Variants in PCCA observed in about 807,000 individuals in gnomAD.
PCCA encodes propionyl-CoA carboxylase subunit alpha.
Under a neutral mutation model 101.3 loss-of-function variants are expected in PCCA, and 74 were observed. The observed-to-expected ratio is 0.73, with a 90% CI of 0.61 to 0.89. The LOEUF (loss-of-function observed/expected upper bound fraction) is 0.89, where lower values mean the gene tolerates loss of function less well. PCCA is among the 40% of genes least tolerant of loss of function. PCCA has a pLI of 0.00. For missense variants in PCCA, 891 were observed against 907.0 expected (o/e 0.98, Z 0.23); for synonymous variants, 294 against 313.6 (o/e 0.94, Z 0.66).
At chr13:100,520,498 A>ATG (rs2087160442) in intron 22 of PCCA, among the ~76,000 whole-genome samples, 2 of 151,752 alleles carry the variant, frequency 1.3e-5, no homozygotes, top group East Asian at 1.9e-4. Flanking sequence ...AGCCGGGCGC[A>ATG]GTGGCGGGCG....
chr13:100,362,253 C>T lies in PCCA; in HGVS notation c.1644-6219C>T, dbSNP rs148774781. Among the ~76,000 whole-genome samples the T allele has an allele frequency of 5.9e-3, 900 of 151,862 alleles. 5 individuals are homozygous for T. The highest frequency in any genetic ancestry group is 0.02 in the African/African-American group (820 of 41,394). Reference sequence around the variant, plus strand: ...AAGGGTGAATGACAGAACTTAAGATCTTGGAATTTGACTGTATGTTAGTTG... The same window carrying T: ...AAGGGTGAATGACAGAACTTAAGATTTTGGAATTTGACTGTATGTTAGTTG... On this transcript the variant is annotated intron_variant, in intron 18 of 23. Coordinates refer to ENST00000376285, the MANE Select transcript of PCCA (RefSeq NM_000282.4).
intron 7 of PCCA, among the ~76,000 whole-genome samples, chr13:100,222,502 C>T (rs1049075828): frequency 6.6e-6 from 1 of 152,170 alleles, no homozygotes; most frequent in African/African-American, 2.4e-5. Flanking sequence ...TCCACATTCA[C>T]TTGGAGCTAC....
chr13:100,159,453 A>T (rs561968458), intron 6 of PCCA, among the ~76,000 whole-genome samples: 1 of 152,192 alleles, frequency 6.6e-6, no homozygotes, highest in East Asian at 1.9e-4. Context: ...AAATGAATCC[A>T]ATCTGGTTCC....
At chr13:100,438,032 A>C (rs2080072735) in intron 20 of PCCA, among the ~76,000 whole-genome samples, 1 of 152,190 alleles carries the variant, frequency 6.6e-6, no homozygotes, top group South Asian at 2.1e-4. Context: ...TAATTTTACT[A>C]ATACATTTTA....
intron 4 of PCCA, among the ~76,000 whole-genome samples, chr13:100,135,909 G>A (rs1001410903): frequency 6.6e-6 from 1 of 152,144 alleles, no homozygotes; most frequent in East Asian, 1.9e-4. Flanking sequence ...ATCATGTGGG[G>A]TTTTTTTCCT....
At chr13:100,325,542 A>G (rs536218026) in intron 16 of PCCA, among the ~76,000 whole-genome samples, 17 of 151,918 alleles carry the variant, frequency 1.1e-4, no homozygotes, top group South Asian at 1.0e-3. Flanking sequence ...TCTGAGGGGG[A>G]AAAAAAAGCC....
chr13:100,099,534 G>T (rs2047087008), intron 1 of PCCA, among the ~76,000 whole-genome samples: 1 of 151,932 alleles, frequency 6.6e-6, no homozygotes, highest in Non-Finnish European at 1.5e-5. Context: ...AGCCAGGATG[G>T]TCTCAATCTC....
At chr13:100,470,824 A>C (rs1176935317) in intron 21 of PCCA, among the ~76,000 whole-genome samples, 2 of 152,070 alleles carry the variant, frequency 1.3e-5, no homozygotes, top group African/African-American at 4.8e-5. Context: ...ACAACACTGC[A>C]CTCCAGCCTG....
intron 19 of PCCA, among the ~76,000 whole-genome samples, chr13:100,375,378 T>C (rs979586948): frequency 6.6e-6 from 1 of 152,196 alleles, no homozygotes; most frequent in Admixed American, 6.5e-5. Context: ...AGATGTCTGT[T>C]AGGTCTGCTT....
rs1594175027 is a variant in PCCA at position 100,530,078 on chromosome 13, T to G, written c.2119-20T>G. ...ACTAATTCTTACTCTCCCCTCCCCC[T>G]GCATTTTTCAAAATTCAAGGTGAAA... is the stretch of plus-strand genomic sequence containing the variant. On this transcript the variant is annotated intron_variant, in intron 23 of 23. Coordinates refer to ENST00000376285, the MANE Select transcript of PCCA (RefSeq NM_000282.4). The G allele has an allele frequency of 6.2e-7, 1 of 1,604,958 alleles. No individual in the cohort carries two copies. The highest frequency in any genetic ancestry group is 8.5e-7 in the Non-Finnish European group (1 of 1,171,682).
At chr13:100,345,993 T>A (rs2095025) in intron 18 of PCCA, among the ~76,000 whole-genome samples, 98,846 of 147,626 alleles carry the variant, frequency 0.67, 33,082 homozygotes, top group Middle Eastern at 0.78. Context: ...AAAAAAAAAA[T>A]TTTTTTTTCA....
intron 8 of PCCA, among the ~76,000 whole-genome samples, chr13:100,238,159 C>G (rs1038768236): frequency 1.3e-5 from 2 of 151,830 alleles, no homozygotes; most frequent in African/African-American, 4.8e-5. Flanking sequence ...AGGCTGGTCT[C>G]GAACTCCTGA....
intron 17 of PCCA, among the ~76,000 whole-genome samples, chr13:100,338,610 T>C (rs2070856056): frequency 6.6e-6 from 1 of 151,380 alleles, no homozygotes; most frequent in South Asian, 2.1e-4. Context: ...AATTATGTAA[T>C]CATATGGGAT....
chr13:100,364,993 G>T (rs1215155246), intron 18 of PCCA, among the ~76,000 whole-genome samples: 2 of 152,158 alleles, frequency 1.3e-5, no homozygotes, highest in African/African-American at 4.8e-5. Context: ...AGACTGCAGT[G>T]AGCTATGATT....
At chr13:100,245,943 G>C (rs2061403818) in intron 8 of PCCA, among the ~76,000 whole-genome samples, 1 of 152,150 alleles carries the variant, frequency 6.6e-6, no homozygotes, top group South Asian at 2.1e-4. Flanking sequence ...CTGAGCCAAG[G>C]GAAAAGTTGA....
At chr13:100,155,926 T>C (rs987027406) in intron 5 of PCCA, among the ~76,000 whole-genome samples, 6 of 152,236 alleles carry the variant, frequency 3.9e-5, no homozygotes, top group African/African-American at 1.4e-4. Context: ...GTAAAACACT[T>C]TAACCTTTTA....
At chr13:100,480,214 A>G (rs2083777768) in intron 21 of PCCA, 3 of 150,572 alleles carry the variant, frequency 2.0e-5, no homozygotes, top group Admixed American at 6.6e-5. Context: ...GCAAAGCTCC[A>G]TATTACTACC....
At chr13:100,150,242 C>T (rs946776063) in intron 4 of PCCA, among the ~76,000 whole-genome samples, 1 of 152,098 alleles carries the variant, frequency 6.6e-6, no homozygotes, top group African/African-American at 2.4e-5. Flanking sequence ...CCATGTTGGT[C>T]AGGCTGGTCT....
At chr13:100,291,505 G>A (rs2065121116) in intron 12 of PCCA, among the ~76,000 whole-genome samples, 2 of 152,298 alleles carry the variant, frequency 1.3e-5, no homozygotes, top group South Asian at 4.1e-4. Flanking sequence ...GGGCAAAGTT[G>A]TATTTTTCTC....
Sources: allele counts gnomAD v4.1 joint callset (sites outside exome capture counted in the v4.1 genomes callset), GRCh38; gene constraint gnomAD v4.1.1; transcripts MANE v1.5; gene names NCBI Gene and HGNC (gene_info 2026-07-23, HGNC 2026-07-21).